Variants in CCR3 observed in about 807,000 individuals in gnomAD.
CCR3 encodes the protein C-C motif chemokine receptor 3.
For synonymous variants in CCR3, 203 were observed against 179.2 expected (o/e 1.13, Z -1.06); for missense variants, 419 against 437.5 (o/e 0.96, Z 0.38).
At chr3:46,255,935 G>C (rs1700414605) in intron 1 of CCR3, among the ~76,000 whole-genome samples, 1 of 152,068 alleles carries the variant, frequency 6.6e-6, no homozygotes, top group South Asian at 2.1e-4. Context: ...GTTCTGTGAA[G>C]AATAATGGTG....
At chr3:46,253,435 G>A (rs1160111813) in intron 1 of CCR3, among the ~76,000 whole-genome samples, 1 of 152,102 alleles carries the variant, frequency 6.6e-6, no homozygotes, top group African/African-American at 2.4e-5. Context: ...TCTCCAGGAT[G>A]GATACGCTTG....
At chr3:46,253,841 A>G (rs1700364911) in intron 1 of CCR3, among the ~76,000 whole-genome samples, 1 of 152,222 alleles carries the variant, frequency 6.6e-6, no homozygotes, top group African/African-American at 2.4e-5. Flanking sequence ...AATTCCACAC[A>G]GTGGAATACC....
At chr3:46,251,209 CG>C (rs1700302851) in intron 1 of CCR3, among the ~76,000 whole-genome samples, 1 of 152,102 alleles carries the variant, frequency 6.6e-6, no homozygotes, top group Admixed American at 6.5e-5. Flanking sequence ...ACCCTTGAAA[CG>C]TGGGTGAATA....
chr3:46,229,595 G>A (rs1699939485), intron 2 of CCR3, among the ~76,000 whole-genome samples: 1 of 152,168 alleles, frequency 6.6e-6, no homozygotes, highest in African/African-American at 2.4e-5. Flanking sequence ...GGGACACAAA[G>A]AATCTCTGGT....
chr3:46,223,801 G>A (rs1056412554), intron 2 of CCR3, among the ~76,000 whole-genome samples: 3 of 152,156 alleles, frequency 2.0e-5, no homozygotes, highest in Non-Finnish European at 4.4e-5. Flanking sequence ...AGATCCCATG[G>A]CTTGCCTGAA....
At chr3:46,231,288 A>G (rs540794676) in intron 2 of CCR3, among the ~76,000 whole-genome samples, 14 of 152,376 alleles carry the variant, frequency 9.2e-5, no homozygotes, top group African/African-American at 3.1e-4. Context: ...ACAGCACTCC[A>G]TATGGAAATG....
At position 46,265,463 on chromosome 3, in the gene CCR3, G is replaced by A. The variant is rs199653243; in HGVS notation, c.305G>A (p.Gly102Asp). ...GTCAGGGGGCATAACTGGGTTTTTG[G>A]CCATGGCATGTGTAAGCTCCTCTCA... ...HYVRGHNWVF[G>D]HGMCKLLSGF... is the part of the protein sequence containing the mutation. Residue 102 changes from glycine (G) to aspartate (D), a missense_variant, in exon 2 of 2, where the codon GGC (glycine) becomes GAC (aspartate). Physicochemically the swap from Gly to Asp is moderately conservative, Grantham distance 94. Coordinates refer to ENST00000395940, the MANE Select transcript of CCR3 (RefSeq NM_178329.3). The A allele has an allele frequency of 5.0e-6, 8 of 1,614,002 alleles. No homozygotes were observed. Among genetic ancestry groups the A allele is most frequent in the Non-Finnish European group, 5.9e-6 (7 of 1,180,022 alleles).
intron 2 of CCR3, among the ~76,000 whole-genome samples, chr3:46,229,465 A>G (rs1384624616): frequency 1.3e-5 from 2 of 152,232 alleles, no homozygotes; most frequent in East Asian, 3.8e-4. Flanking sequence ...TAAAATGTAT[A>G]GCATTGATGA....
intron 1 of CCR3, among the ~76,000 whole-genome samples, chr3:46,259,504 T>A (rs931142686): frequency 1.5e-4 from 23 of 152,224 alleles, no homozygotes; most frequent in African/African-American, 5.5e-4. Context: ...GAAATTCATA[T>A]AATTTCTGAA....
At chr3:46,220,406 A>G (rs1301137644) in intron 2 of CCR3, among the ~76,000 whole-genome samples, 3 of 152,254 alleles carry the variant, frequency 2.0e-5, no homozygotes, top group Non-Finnish European at 4.4e-5. Context: ...GCTGCTGGGC[A>G]TGTAAACTAG....
chr3:46,266,492 T>G lies in CCR3; in HGVS notation c.*266T>G, dbSNP rs1700637987. ...CTCTCTAAAATGAGTTACCTACATT[T>G]TAATGCACCTGAATGTTAGATAGTT... On this transcript the variant is annotated 3_prime_UTR_variant, in exon 2 of 2. Transcript: ENST00000395940. 5.4e-6 allele frequency: 2 copies of G among 371,988 alleles called. No homozygotes were observed. Among genetic ancestry groups the G allele is most frequent in the Admixed American group, 8.6e-5 (2 of 23,388 alleles). 23.0% of individuals were successfully genotyped at this position (371,988 alleles called of 1,614,324 possible). A position where few individuals can be genotyped will look rare whatever the true frequency, so the allele number is the denominator to read the frequency against.
intron 2 of CCR3, among the ~76,000 whole-genome samples, chr3:46,221,197 G>T (rs1330658901): frequency 6.6e-6 from 1 of 151,450 alleles, no homozygotes; most frequent in Non-Finnish European, 1.5e-5. Context: ...GGCATGTTGT[G>T]CCTGTTTTGA....
At chr3:46,220,494 C>G (rs1699824031) in intron 2 of CCR3, among the ~76,000 whole-genome samples, 1 of 152,198 alleles carries the variant, frequency 6.6e-6, no homozygotes, top group South Asian at 2.1e-4. Context: ...AGCAATCCCA[C>G]TACTGGGTAT....
chr3:46,255,965 A>C (rs550462316), intron 1 of CCR3, among the ~76,000 whole-genome samples: 46 of 151,928 alleles, frequency 3.0e-4, no homozygotes, highest in Non-Finnish European at 5.6e-4. Flanking sequence ...TGGAAATTAC[A>C]TGAATTTGTA....
intron 2 of CCR3, among the ~76,000 whole-genome samples, chr3:46,234,385 C>T (rs1390610208): frequency 1.3e-5 from 2 of 152,088 alleles, no homozygotes; most frequent in Admixed American, 1.3e-4. Flanking sequence ...GCTCTTGATA[C>T]CCAAGAAAGC....
At chr3:46,249,198 T>C (rs953303518) in intron 1 of CCR3, among the ~76,000 whole-genome samples, 11 of 151,888 alleles carry the variant, frequency 7.2e-5, no homozygotes, top group African/African-American at 2.7e-4. Flanking sequence ...AGGCTTTGGA[T>C]TGGGAAGAAG....
chr3:46,237,537 C>T (rs182084216), upstream of CCR3, among the ~76,000 whole-genome samples: 12 of 152,296 alleles, frequency 7.9e-5, no homozygotes, highest in African/African-American at 2.6e-4. Flanking sequence ...AGCATTTTCC[C>T]TATGTTTTCA....
intron 1 of CCR3, among the ~76,000 whole-genome samples, chr3:46,260,956 C>A (rs1188180085): frequency 1.3e-5 from 2 of 152,152 alleles, no homozygotes; most frequent in African/African-American, 4.8e-5. Flanking sequence ...TAAATTCATT[C>A]AATTTTATCC....
chr3:46,245,163 G>C (rs1390446941), intron 1 of CCR3, among the ~76,000 whole-genome samples: 1 of 151,932 alleles, frequency 6.6e-6, no homozygotes, highest in African/African-American at 2.4e-5. Context: ...TCCATGTGCT[G>C]CCCTAAAATA....
Sources: gnomAD v4.1 joint callset for allele counts (sites outside exome capture counted in the v4.1 genomes callset) on GRCh38, gnomAD v4.1.1 for gene constraint, MANE v1.5 for transcripts, NCBI Gene and HGNC (gene_info 2026-07-23, HGNC 2026-07-21) for gene names.